SORCS3: variants seen among roughly 807,000 people sequenced by gnomAD.
SORCS3 encodes sortilin related VPS10 domain containing receptor 3, also known as VPS10 domain-containing receptor SorCS3.
A neutral mutation model predicts 146.3 loss-of-function variants in SORCS3; 57 were observed. The observed-to-expected ratio is 0.39, with a 90% CI of 0.31 to 0.49. The LOEUF is 0.49. SORCS3 is among the 20% of genes least tolerant of loss of function. The probability of loss-of-function intolerance (pLI) is 0.92; values close to 1 mark genes in which losing one functional copy is unlikely to be tolerated. For synonymous variants in SORCS3, 653 were observed against 618.5 expected (o/e 1.06, Z -0.83); for missense variants, 1,341 against 1,575.5 (o/e 0.85, Z 2.52).
intron 5 of SORCS3, among the ~76,000 whole-genome samples, chr10:105,055,302 C>G (rs1350775585): frequency 6.6e-6 from 1 of 152,136 alleles, no homozygotes; most frequent in Non-Finnish European, 1.5e-5. Flanking sequence ...CTAGTCGATA[C>G]CCTTAAATTC....
chr10:105,039,658 C>T (rs901072654), intron 4 of SORCS3, among the ~76,000 whole-genome samples: 9 of 151,886 alleles, frequency 5.9e-5, no homozygotes, highest in Admixed American at 2.6e-4. Context: ...GGTTTCACCA[C>T]GTTGGCCAGG....
chr10:105,226,063 G>C (rs538079465), intron 20 of SORCS3, among the ~76,000 whole-genome samples: 1 of 151,290 alleles, frequency 6.6e-6, no homozygotes, highest in Non-Finnish European at 1.5e-5. Flanking sequence ...TCTCTTGCCT[G>C]ATTACTCTGG....
At chr10:105,029,877 A>G (rs1224837517) in intron 4 of SORCS3, among the ~76,000 whole-genome samples, 1 of 152,202 alleles carries the variant, frequency 6.6e-6, no homozygotes, top group African/African-American at 2.4e-5. Flanking sequence ...CCCCATTTGC[A>G]TTAAAATCAT....
chr10:105,238,006 A>C (rs7075102), intron 20 of SORCS3, among the ~76,000 whole-genome samples: 2,034 of 152,282 alleles, frequency 0.013, 56 homozygotes, highest in South Asian at 0.048. Context: ...TAGGGATAGA[A>C]AAACACATAT....
chr10:105,013,982 G>GACACAC (rs71952036), intron 4 of SORCS3, among the ~76,000 whole-genome samples: 192 of 144,710 alleles, frequency 1.3e-3, no homozygotes, highest in Middle Eastern at 3.6e-3. Context: ...CAGACACACA[G>GACACAC]ACACACACAC....
chr10:104,948,697 G>T (rs1401453573), intron 3 of SORCS3, among the ~76,000 whole-genome samples: 1 of 152,210 alleles, frequency 6.6e-6, no homozygotes, highest in Admixed American at 6.5e-5. Flanking sequence ...TCTGCAAGAG[G>T]AAGATTACTG....
intron 3 of SORCS3, among the ~76,000 whole-genome samples, chr10:104,940,225 TATATATATATATA>T (rs1339304594): frequency 1.1e-3 from 19 of 16,684 alleles, no homozygotes; most frequent in East Asian, 6.3e-3. Flanking sequence ...TATATATATA[TATATATATATATA>T]TTTTTTTTTT....
intron 3 of SORCS3, among the ~76,000 whole-genome samples, chr10:104,942,074 T>C (rs895905119): frequency 3.9e-5 from 6 of 152,198 alleles, no homozygotes; most frequent in Non-Finnish European, 8.8e-5. Context: ...GATAAAAATA[T>C]CTTGTATTCA....
intron 3 of SORCS3, among the ~76,000 whole-genome samples, chr10:104,956,958 G>A (rs1307242805): frequency 6.6e-6 from 1 of 152,154 alleles, no homozygotes; most frequent in African/African-American, 2.4e-5. Context: ...GTTGAAGAGT[G>A]TAGGGTGCCC....
chr10:104,769,292 G>A (rs1014916114), intron 1 of SORCS3, among the ~76,000 whole-genome samples: 2 of 152,202 alleles, frequency 1.3e-5, no homozygotes, highest in African/African-American at 2.4e-5. Flanking sequence ...GAAAAGCCAG[G>A]GTGAGGCCAC....
rs1360870219 is a variant in SORCS3, at chr10:105,262,501, C to T, written c.3604+10C>T. 1.9e-6 allele frequency: 3 copies of T among 1,611,472 alleles called. No homozygotes were observed. The highest frequency in any genetic ancestry group is 2.7e-5 in the African/African-American group (2 of 74,856). On this transcript the variant is annotated intron_variant, in intron 26 of 26. Transcript: ENST00000369701. ...GACACGCGGGTCATAGGTACATGCT[C>T]CTGCTCCACTAAGCTCCCCTGTTCT...
chr10:104,762,742 T>C (rs1166585220), intron 1 of SORCS3, among the ~76,000 whole-genome samples: 3 of 152,212 alleles, frequency 2.0e-5, no homozygotes, highest in African/African-American at 7.2e-5. Flanking sequence ...CTCGCTCTCC[T>C]GGTGCCATGT....
At chr10:104,983,454 G>T (rs2054943297) in intron 4 of SORCS3, among the ~76,000 whole-genome samples, 1 of 152,128 alleles carries the variant, frequency 6.6e-6, no homozygotes, top group Non-Finnish European at 1.5e-5. Context: ...TTTAAGAAGG[G>T]TACTCAGGCA....
At chr10:105,134,777 C>T (rs1434173183) in intron 7 of SORCS3, among the ~76,000 whole-genome samples, 1 of 152,100 alleles carries the variant, frequency 6.6e-6, no homozygotes, top group Non-Finnish European at 1.5e-5. Context: ...ATGTCCTTCT[C>T]ACATGCAAAA....
intron 4 of SORCS3, among the ~76,000 whole-genome samples, chr10:104,996,525 A>G (rs2055028466): frequency 6.6e-6 from 1 of 152,126 alleles, no homozygotes; most frequent in African/African-American, 2.4e-5. Context: ...AAATGGAAAA[A>G]TCAGTAAGAA....
chr10:105,074,609 T>G (rs960093201), intron 5 of SORCS3, among the ~76,000 whole-genome samples: 1 of 152,238 alleles, frequency 6.6e-6, no homozygotes, highest in South Asian at 2.1e-4. Context: ...CCCTTGGGGC[T>G]ACTATGGTTA....
intron 6 of SORCS3, among the ~76,000 whole-genome samples, chr10:105,102,834 G>T (rs1282373490): frequency 7.9e-6 from 1 of 126,164 alleles, no homozygotes; most frequent in Non-Finnish European, 1.6e-5. Context: ...TCTGTCACCA[G>T]GCTGGAGTAC....
At chr10:104,660,656 A>G (rs2015689347) in intron 1 of SORCS3, among the ~76,000 whole-genome samples, 1 of 152,106 alleles carries the variant, frequency 6.6e-6, no homozygotes, top group Non-Finnish European at 1.5e-5. Flanking sequence ...CAAATCTGAT[A>G]TCCTAATGGT....
chr10:104,642,026 G>A (rs2015427247), intron 1 of SORCS3, 72 bp downstream of exon 1: 2 of 1,374,784 alleles, frequency 1.5e-6, no homozygotes, highest in South Asian at 1.4e-5. Flanking sequence ...GGGTGGGAGC[G>A]AGGGACAGAT....
Sources: allele counts gnomAD v4.1 joint callset (sites outside exome capture counted in the v4.1 genomes callset), GRCh38; gene constraint gnomAD v4.1.1; transcripts MANE v1.5; gene names NCBI Gene and HGNC (gene_info 2026-07-23, HGNC 2026-07-21).